Variants in KIAA0319 observed in about 807,000 individuals in gnomAD.
The protein encoded by KIAA0319 is KIAA0319, also known as dyslexia-associated protein KIAA0319.
Under a neutral mutation model 108.4 loss-of-function variants are expected in KIAA0319, and 83 were observed. That is an observed-to-expected ratio of 0.77 (90% CI 0.64 to 0.92). The LOEUF is 0.92. Among genes scored for constraint, KIAA0319 ranks in the 40% least tolerant of loss-of-function variants. The probability of loss-of-function intolerance (pLI) is 0.00; values close to 1 mark genes in which losing one functional copy is unlikely to be tolerated. For synonymous variants in KIAA0319, 484 were observed against 510.4 expected (o/e 0.95, Z 0.70); for missense variants, 1,195 against 1,322.4 (o/e 0.90, Z 1.49).
intron 8 of KIAA0319, among the ~76,000 whole-genome samples, chr6:24,579,410 A>ATATATATATATATATAT (rs1561981471): frequency 5.7e-4 from 50 of 88,004 alleles, no homozygotes; most frequent in African/African-American, 1.9e-3. Flanking sequence ...CCTCTATATA[A>ATATATATATATATATAT]AGATATATAT....
rs73388287 is a variant in KIAA0319 at position 24,589,008 on chromosome 6, G to C, written c.802-223C>G. 0.064 allele frequency among the ~76,000 whole-genome samples: 9,806 copies of C among 152,084 alleles called. 717 individuals carry two copies. The highest frequency in any genetic ancestry group is 0.18 in the African/African-American group (7,571 of 41,434). On this transcript the variant is annotated intron_variant, in intron 3 of 20. Transcript: ENST00000378214. ...ACTGTGGGTTGGACAATTAGTATAG[G>C]TGAACTCACACAAACACTCAAAGAA...
chr6:24,639,541 A>T (rs1431029075), intron 1 of KIAA0319, among the ~76,000 whole-genome samples: 2 of 152,160 alleles, frequency 1.3e-5, no homozygotes, highest in African/African-American at 4.8e-5. Context: ...TGAAACTTTT[A>T]AAAAAAGAGT....
intron 10 of KIAA0319, among the ~76,000 whole-genome samples, chr6:24,576,043 T>A (rs1765444129): frequency 6.6e-6 from 1 of 152,178 alleles, no homozygotes; most frequent in African/African-American, 2.4e-5. Context: ...GATAATCAGG[T>A]TTAGATTAGA....
chr6:24,547,000 G>C lies in KIAA0319; in HGVS notation c.*165C>G. The stretch of plus-strand genomic sequence containing the variant: ...TCTCAGTTAAAAGAGCAAAGTTTTT[G>C]TTTTGTGCCTTCAAAAACCGGTCTT... On this transcript the variant is annotated 3_prime_UTR_variant, in exon 21 of 21. Transcript: ENST00000378214. 1 of 656,174 alleles carries C rather than the reference G, an allele frequency of 1.5e-6. No homozygotes were observed. The highest frequency in any genetic ancestry group is 2.1e-5 in the South Asian group (1 of 47,608). The allele number at this position is 656,174 out of a possible 1,614,324, so 40.6% of individuals were successfully genotyped here. A position where few individuals can be genotyped will look rare whatever the true frequency, so the allele number is the denominator to read the frequency against.
Position 24,564,345 on chromosome 6 carries a change from G to A in KIAA0319, c.2293-5C>T, listed in dbSNP as rs2760164. On this transcript the variant is annotated splice_region_variant and splice_polypyrimidine_tract_variant and intron_variant, in intron 14 of 20. Coordinates refer to ENST00000378214, the MANE Select transcript of KIAA0319 (RefSeq NM_014809.4). ...GTCAGAGCCATCGATGACATCCTGC[G>A]AAAGAACACGGATCACAGGGCAGCT... 41,251 of 1,612,122 alleles carry A rather than the reference G, an allele frequency of 0.026. 1,215 individuals carry two copies. Among genetic ancestry groups the A allele is most frequent in the African/African-American group, 0.14 (10,520 of 74,826 alleles).
chr6:24,580,361 C>T (rs1766306944), intron 7 of KIAA0319, among the ~76,000 whole-genome samples: 1 of 148,980 alleles, frequency 6.7e-6, no homozygotes, highest in Non-Finnish European at 1.5e-5. Context: ...CTGTCAGGCC[C>T]TCAGGGTGGG....
chr6:24,552,152 C>A (rs1761603611), intron 19 of KIAA0319, among the ~76,000 whole-genome samples: 1 of 152,014 alleles, frequency 6.6e-6, no homozygotes, highest in Non-Finnish European at 1.5e-5. Flanking sequence ...AGTAAAAAAG[C>A]AATATTCTGG....
At chr6:24,636,627 A>G (rs757891695) in intron 1 of KIAA0319, among the ~76,000 whole-genome samples, 4 of 152,230 alleles carry the variant, frequency 2.6e-5, no homozygotes, top group African/African-American at 4.8e-5. Flanking sequence ...AAAAAACTGT[A>G]TGAGGACAAT....
chr6:24,588,527 T>C, intron 4 of KIAA0319, 66 bp downstream of exon 4: 1 of 1,401,128 alleles, frequency 7.1e-7, no homozygotes. Context: ...CTTTAAAAGT[T>C]GTCACCACCA....
intron 14 of KIAA0319, among the ~76,000 whole-genome samples, chr6:24,565,752 CAAAAAAAAAA>C (rs71542686): frequency 1.6e-5 from 1 of 62,716 alleles, no homozygotes; most frequent in Non-Finnish European, 3.1e-5. Flanking sequence ...GACTCCATCT[CAAAAAAAAAA>C]AAAAAAAAAA....
chr6:24,579,217 T>C (rs1414935637), intron 8 of KIAA0319, among the ~76,000 whole-genome samples: 1 of 152,022 alleles, frequency 6.6e-6, no homozygotes, highest in Non-Finnish European at 1.5e-5. Context: ...CTTATTTACA[T>C]GGACACCTGT....
At chr6:24,553,811 C>T (rs897129117) in intron 19 of KIAA0319, among the ~76,000 whole-genome samples, 3 of 152,234 alleles carry the variant, frequency 2.0e-5, no homozygotes, top group Non-Finnish European at 2.9e-5. Context: ...GACAGCCAAA[C>T]ATGTGGAGGT....
intron 1 of KIAA0319, among the ~76,000 whole-genome samples, chr6:24,644,253 G>A (rs1005479595): frequency 1.3e-5 from 2 of 152,040 alleles, no homozygotes; most frequent in Admixed American, 6.6e-5. Flanking sequence ...GAGAGGGGGG[G>A]GTTCCCACTC....
chr6:24,637,896 T>C (rs1373908190), intron 1 of KIAA0319, among the ~76,000 whole-genome samples: 2 of 151,778 alleles, frequency 1.3e-5, no homozygotes, highest in Non-Finnish European at 1.5e-5. Flanking sequence ...TCTACCTTCA[T>C]AATGTGGGAG....
intron 1 of KIAA0319, among the ~76,000 whole-genome samples, chr6:24,614,803 G>A (rs1772911678): frequency 6.6e-6 from 1 of 151,984 alleles, no homozygotes; most frequent in South Asian, 2.1e-4. Flanking sequence ...GTGTAGCAGA[G>A]TGAATGGCAT....
chr6:24,608,473 A>G (rs375755972), intron 1 of KIAA0319, among the ~76,000 whole-genome samples: 2 of 152,224 alleles, frequency 1.3e-5, no homozygotes, highest in East Asian at 3.9e-4. Flanking sequence ...AATTTTTTGA[A>G]AAATGAGATA....
intron 1 of KIAA0319, among the ~76,000 whole-genome samples, chr6:24,631,727 T>C (rs1197249423): frequency 6.6e-6 from 1 of 152,248 alleles, no homozygotes; most frequent in African/African-American, 2.4e-5. Flanking sequence ...TCAATTCTTA[T>C]CTAACGGGGT....
intron 1 of KIAA0319, among the ~76,000 whole-genome samples, chr6:24,620,635 A>G (rs535316373): frequency 1.8e-4 from 28 of 152,166 alleles, no homozygotes; most frequent in Admixed American, 7.2e-4. Flanking sequence ...TCTATCTTCA[A>G]TCTTTCCCTA....
Position 24,596,027 on chromosome 6 carries a change from T to C in KIAA0319, c.647A>G (p.His216Arg), listed in dbSNP as rs752561774. The C allele has an allele frequency of 2.5e-6, 4 of 1,614,182 alleles. No homozygotes were observed. The South Asian group carries it at 3.3e-5, about 13-fold the overall frequency. ...PAETQQDPEL[H>R]YLNESASTPA... ...GGTTGAAGCCGACTCATTCAGGTAA[T>C]GGAGCTCAGGGTCCTGCTGCGTCTC... Residue 216 changes from histidine to arginine, a missense_variant, in exon 3 of 21, where the codon CAT (histidine) becomes CGT (arginine). His to Arg is a conservative substitution (Grantham distance 29). Transcript: ENST00000378214.
Sources: allele counts gnomAD v4.1 joint callset (sites outside exome capture counted in the v4.1 genomes callset), GRCh38; gene constraint gnomAD v4.1.1; transcripts MANE v1.5; gene names NCBI Gene and HGNC (gene_info 2026-07-23, HGNC 2026-07-21).